ACSF3: variants seen among roughly 807,000 people sequenced by gnomAD.
The protein encoded by ACSF3 is malonate--CoA ligase ACSF3, mitochondrial.
ACSF3 carries 78 observed loss-of-function variants against 53.2 expected under a neutral mutation model. That is an observed-to-expected ratio of 1.47 (90% CI 1.22 to 1.77). ACSF3 has a LOEUF of 1.77. Ranked by LOEUF, ACSF3 falls within the 40% of genes most tolerant of loss-of-function variation. The pLI is 0.00. For missense variants in ACSF3, 937 were observed against 771.1 expected, an observed-to-expected ratio of 1.22 and a Z score of -2.55; for synonymous variants, 414 against 333.1, an observed-to-expected ratio of 1.24 and a Z score of -2.65.
chr16:89,141,003 T>G (rs565179243), intron 8 of ACSF3: 842 of 1,200,232 alleles, frequency 7.0e-4, no homozygotes, highest in Non-Finnish European at 8.4e-4. Context: ...AATCGATGCA[T>G]TTTGATAAAT....
At chr16:89,145,797 G>C (rs565892745) in intron 9 of ACSF3, 141 bp from the exon 10 acceptor site, 1 of 805,294 alleles carries the variant, frequency 1.2e-6, no homozygotes, top group Admixed American at 1.8e-5. Context: ...GCACCAGGAC[G>C]AGTGATTGGA....
At chr16:89,116,509 G>A (rs1905139492) in intron 6 of ACSF3, among the ~76,000 whole-genome samples, 1 of 152,290 alleles carries the variant, frequency 6.6e-6, no homozygotes, top group Admixed American at 6.5e-5. Context: ...GGAGCCATGG[G>A]GGCTGTTAAG....
intron 10 of ACSF3, chr16:89,151,442 G>A (rs774894947): frequency 6.9e-5 from 22 of 320,952 alleles, no homozygotes; most frequent in East Asian, 1.7e-4. Flanking sequence ...ACAAGAAAAC[G>A]AGAGGACAGT....
intron 10 of ACSF3, among the ~76,000 whole-genome samples, chr16:89,147,185 GGAGGGTCCACAGAGTGAGT>G (rs1169378769): frequency 6.1e-5 from 4 of 66,018 alleles, no homozygotes; most frequent in Admixed American, 1.4e-4. Flanking sequence ...ACAGAGGGAG[GGAGGGTCCACAGAGTGAGT>G]GAGAGAGGAG....
intron 10 of ACSF3, chr16:89,151,200 A>G (rs1914026348): frequency 2.0e-6 from 1 of 494,190 alleles, no homozygotes; most frequent in Non-Finnish European, 3.8e-6. Context: ...TAAAAGACAC[A>G]AATTGCCAAG....
chr16:89,139,557 C>T (rs1911318091), intron 8 of ACSF3, among the ~76,000 whole-genome samples: 1 of 151,288 alleles, frequency 6.6e-6, no homozygotes, highest in African/African-American at 2.4e-5. Flanking sequence ...CGTGCTGAAT[C>T]CTGGCACTTG....
intron 8 of ACSF3, among the ~76,000 whole-genome samples, chr16:89,142,560 C>T (rs906391551): frequency 6.6e-6 from 1 of 151,460 alleles, no homozygotes; most frequent in African/African-American, 2.4e-5. Context: ...GACACACCCA[C>T]ACCTGCAGAC....
At chr16:89,126,988 G>A (rs566987304) in intron 7 of ACSF3, among the ~76,000 whole-genome samples, 4 of 85,840 alleles carry the variant, frequency 4.7e-5, no homozygotes, top group East Asian at 4.4e-4. Context: ...AAAGCTTTTC[G>A]GTATTGATGG....
intron 8 of ACSF3, among the ~76,000 whole-genome samples, chr16:89,142,086 G>A (rs1478143623): frequency 6.6e-6 from 1 of 152,068 alleles, no homozygotes; most frequent in African/African-American, 2.4e-5. Context: ...GACCCCTACG[G>A]TTCTTCCCTC....
intron 6 of ACSF3, 95 bp from the exon 7 acceptor site, chr16:89,120,706 A>C: frequency 8.2e-7 from 1 of 1,215,296 alleles, no homozygotes; most frequent in Non-Finnish European, 1.2e-6. Flanking sequence ...CACGTGGCAC[A>C]CGGGAGCTCA....
intron 4 of ACSF3, among the ~76,000 whole-genome samples, chr16:89,106,694 A>G (rs981662289): frequency 1.3e-5 from 2 of 152,214 alleles, no homozygotes; most frequent in Non-Finnish European, 2.9e-5. Context: ...AGGAATTTCT[A>G]TGTGTAAAAT....
intron 10 of ACSF3, chr16:89,149,889 G>C (rs1189137307): frequency 6.6e-6 from 1 of 152,218 alleles, no homozygotes; most frequent in African/African-American, 2.4e-5. Context: ...TTGGCTTGAA[G>C]GTGGGGTTTC....
intron 7 of ACSF3, among the ~76,000 whole-genome samples, chr16:89,125,658 T>C (rs949923863): frequency 8.0e-5 from 12 of 149,746 alleles, no homozygotes; most frequent in Non-Finnish European, 1.5e-4. Context: ...ACCACTGCAC[T>C]CCAGCCTGGG....
In ACSF3 at chr16:89,112,444, C is replaced by T. The variant is rs547800346; in HGVS notation, c.977+198C>T. 1.1e-3 allele frequency among the ~76,000 whole-genome samples: 172 copies of T among 152,168 alleles called. 2 individuals are homozygous for T. The highest frequency in any genetic ancestry group is 3.7e-3 in the African/African-American group (154 of 41,492). On this transcript the variant is annotated intron_variant, in intron 5 of 10. Transcript: ENST00000614302. ...TCTCTCTACCCGTCTGTATGTATAT[C>T]TGTAATCTCTTCCACGTCGATAGCT...
intron 8 of ACSF3, among the ~76,000 whole-genome samples, chr16:89,133,596 C>T (rs553120390): frequency 2.0e-5 from 3 of 152,338 alleles, no homozygotes; most frequent in Admixed American, 2.0e-4. Context: ...CGCAGCCCTT[C>T]CTGGTGGCCC....
chr16:89,154,654 T>C lies in ACSF3; in HGVS notation c.*447T>C, dbSNP rs1171109794. The C allele has an allele frequency of 2.2e-6, 1 of 454,134 alleles. No homozygotes were observed. The highest frequency in any genetic ancestry group is 1.6e-5 in the South Asian group (1 of 64,364). The allele number at this position is 454,134 out of a possible 1,614,324, so 28.1% of individuals were successfully genotyped here. On this transcript the variant is annotated 3_prime_UTR_variant, in exon 11 of 11. Transcript: ENST00000614302. ...CAGAGCCAGTGTCTCCCGGCCCACA[T>C]AGGAGGTCTGGGCAGCCACCCAGGG...
intron 3 of ACSF3, chr16:89,102,329 C>G: frequency 2.0e-6 from 1 of 499,874 alleles, no homozygotes; most frequent in East Asian, 3.7e-5. Flanking sequence ...CTGGTGTCTG[C>G]AGAGCCACTC....
At chr16:89,121,864 G>A (rs566715186) in intron 7 of ACSF3, among the ~76,000 whole-genome samples, 1 of 152,346 alleles carries the variant, frequency 6.6e-6, no homozygotes, top group Non-Finnish European at 1.5e-5. Context: ...GGTCGTGGTT[G>A]GACGTTTTAG....
At chr16:89,108,952 G>C (rs1051335742) in intron 4 of ACSF3, among the ~76,000 whole-genome samples, 2 of 152,132 alleles carry the variant, frequency 1.3e-5, no homozygotes, top group Non-Finnish European at 2.9e-5. Context: ...TGTCAAACTG[G>C]CCGGGCACGG....
Sources: gnomAD v4.1 joint callset for allele counts (sites outside exome capture counted in the v4.1 genomes callset) on GRCh38, gnomAD v4.1.1 for gene constraint, MANE v1.5 for transcripts, NCBI Gene and HGNC (gene_info 2026-07-23, HGNC 2026-07-21) for gene names.